Variants in DOCK1 observed in about 807,000 individuals in gnomAD.
The protein encoded by DOCK1 is dedicator of cytokinesis protein 1.
Under a neutral mutation model 262.7 loss-of-function variants are expected in DOCK1, and 138 were observed. The ratio of observed to expected loss-of-function variants is 0.53; its 90% CI spans 0.46 to 0.61. DOCK1 has a LOEUF of 0.61. Ranked by LOEUF, DOCK1 falls within the 20% of genes least tolerant of loss-of-function variation. The probability of loss-of-function intolerance (pLI) is 0.00; values close to 1 mark genes in which losing one functional copy is unlikely to be tolerated. For synonymous variants in DOCK1, 866 were observed against 867.4 expected, an observed-to-expected ratio of 1.00 and a Z score of 0.03; for missense variants, 1,908 against 2,370.7, an observed-to-expected ratio of 0.80 and a Z score of 4.05.
chr10:127,315,207 A>G (rs1280850540), intron 29 of DOCK1, among the ~76,000 whole-genome samples: 1 of 152,174 alleles, frequency 6.6e-6, no homozygotes. Flanking sequence ...ACAAGGAAAA[A>G]TAACACCTAA....
At chr10:126,999,098 A>AG (rs1176141351) in intron 8 of DOCK1, among the ~76,000 whole-genome samples, 1 of 152,082 alleles carries the variant, frequency 6.6e-6, no homozygotes, top group Non-Finnish European at 1.5e-5. Context: ...TAAAAAAAAA[A>AG]CCAACTTAGA....
chr10:127,034,939 C>T (rs946163004), intron 18 of DOCK1, among the ~76,000 whole-genome samples: 6 of 152,176 alleles, frequency 3.9e-5, no homozygotes, highest in Non-Finnish European at 8.8e-5. Flanking sequence ...CCTCAAGCTC[C>T]TTAAGTCTCA....
Position 127,437,450 on chromosome 10 carries a change from TG to T in DOCK1, c.5061-1573del, listed in dbSNP as rs1352920968. Among the ~76,000 whole-genome samples, 3 of 150,092 alleles carry T rather than the reference TG, an allele frequency of 2.0e-5. No homozygotes were observed. The highest frequency in any genetic ancestry group is 4.4e-5 in the Non-Finnish European group (3 of 67,840). The stretch of plus-strand genomic sequence containing the variant: ...AAATAATCAACAGTGAGCAAATCAA[TG>T]GGGAGCAAGATTGCTGCAATGACCA... On this transcript the variant is annotated intron_variant, in intron 48 of 51. Coordinates refer to ENST00000623213, the MANE Select transcript of DOCK1 (RefSeq NM_001290223.2). This position sits in a 1 kb window ranked among gnomAD's most constrained non-coding sequence, Gnocchi z 4.4.
At position 127,409,314 on chromosome 10, in the gene DOCK1, T is replaced by C; in HGVS notation, c.4266T>C (p.Tyr1422=). ...GDDIKNSPGQ[Y]IQCFTVKPKL... is the part of the protein sequence containing the mutation. ...TGATCCTTAACCCCCTCACCTCAGATATTCAGTGCTTCACAGTGAAGCCCA... is the reference window on the plus strand; with the variant it reads ...TGATCCTTAACCCCCTCACCTCAGACATTCAGTGCTTCACAGTGAAGCCCA... Residue 1422 remains tyrosine (Y), a splice_region_variant and synonymous_variant, in exon 42 of 52, where the codon TAT becomes TAC. Coordinates refer to ENST00000623213, the MANE Select transcript of DOCK1 (RefSeq NM_001290223.2). 7 of 1,613,914 alleles carry C rather than the reference T, an allele frequency of 4.3e-6. No homozygotes were observed. Among genetic ancestry groups the C allele is most frequent in the Non-Finnish European group, 5.1e-6 (6 of 1,179,852 alleles).
At chr10:127,369,330 A>G (rs1450644868) in intron 33 of DOCK1, among the ~76,000 whole-genome samples, 4 of 152,200 alleles carry the variant, frequency 2.6e-5, no homozygotes, top group Non-Finnish European at 4.4e-5. Flanking sequence ...ATTCTTGCCT[A>G]AAGAGGAAAT....
At chr10:126,929,665 C>T (rs1030637471) in intron 1 of DOCK1, among the ~76,000 whole-genome samples, 3 of 151,992 alleles carry the variant, frequency 2.0e-5, no homozygotes, top group African/African-American at 7.3e-5. Flanking sequence ...TGCTCAGGCC[C>T]GTTTAACAGG....
At chr10:127,404,799 C>T (rs1326442472) in intron 40 of DOCK1, among the ~76,000 whole-genome samples, 17 of 152,170 alleles carry the variant, frequency 1.1e-4, no homozygotes, top group Admixed American at 1.1e-3. Flanking sequence ...ACCTTCAGAA[C>T]TTTTTCATCT....
At chr10:127,154,749 A>T (rs1190155889) in intron 27 of DOCK1, among the ~76,000 whole-genome samples, 1 of 152,060 alleles carries the variant, frequency 6.6e-6, no homozygotes, top group Non-Finnish European at 1.5e-5. Flanking sequence ...GGAGGTTGCT[A>T]ATTCTCCCCC....
At chr10:126,924,419 GGGGGAGGCTGTGAGTGCTGGAACT>G (rs1225318868) in intron 1 of DOCK1, among the ~76,000 whole-genome samples, 9 of 144,266 alleles carry the variant, frequency 6.2e-5, no homozygotes, top group African/African-American at 2.1e-4. Context: ...GAACTCAGTA[GGGGGAGGCTGTGAGTGCTGGAACT>G]CAGTAGCGGG....
intron 22 of DOCK1, among the ~76,000 whole-genome samples, chr10:127,057,631 T>C (rs1168881591): frequency 6.6e-6 from 1 of 152,232 alleles, no homozygotes; most frequent in Non-Finnish European, 1.5e-5. Context: ...TACTGGTTTT[T>C]GTTTGTCTGT....
intron 1 of DOCK1, among the ~76,000 whole-genome samples, chr10:126,927,191 C>T (rs941124382): frequency 2.0e-5 from 3 of 152,108 alleles, no homozygotes; most frequent in Non-Finnish European, 4.4e-5. Context: ...TGGTGACTAC[C>T]ACGCCAGGTG....
At chr10:127,228,680 G>T (rs979898596) in intron 27 of DOCK1, among the ~76,000 whole-genome samples, 18 of 152,144 alleles carry the variant, frequency 1.2e-4, no homozygotes, top group Admixed American at 4.6e-4. Context: ...TAGTCTCGCA[G>T]ACCCCTTTTC....
chr10:126,909,600 C>G (rs1052773255), intron 1 of DOCK1, among the ~76,000 whole-genome samples: 2 of 152,152 alleles, frequency 1.3e-5, no homozygotes, highest in African/African-American at 4.8e-5. Context: ...GTGCAGCTCT[C>G]AAATGGGATG....
intron 16 of DOCK1, among the ~76,000 whole-genome samples, chr10:127,028,554 G>A (rs1328207078): frequency 6.6e-6 from 1 of 152,196 alleles, no homozygotes; most frequent in Non-Finnish European, 1.5e-5. Flanking sequence ...TTGGTTCTAA[G>A]CCAGGTCCTT....
In DOCK1 at chr10:127,137,925, T is replaced by G. The variant is rs760593223; in HGVS notation, c.2847+10161T>G. 3.1e-6 allele frequency: 5 copies of G among 1,613,970 alleles called. No homozygotes were observed. In the African/African-American group the frequency reaches 5.3e-5, roughly 17 times the overall value. On this transcript the variant is annotated intron_variant, in intron 27 of 51. Coordinates refer to ENST00000623213, the MANE Select transcript of DOCK1 (RefSeq NM_001290223.2). ...AGTTGAGGAGTAAGTCTCCTGAGAG[T>G]AAGGCGAAGGTATGACCTGAGTTTC...
chr10:127,427,191 G>A (rs978746021), intron 47 of DOCK1, among the ~76,000 whole-genome samples: 1 of 152,206 alleles, frequency 6.6e-6, no homozygotes, highest in Non-Finnish European at 1.5e-5. Context: ...CGGCACTGAG[G>A]GGGTGTGCAC....
rs554638098 is a variant in DOCK1 at position 126,989,981 on chromosome 10, G to A, written c.325-474G>A. 5.4e-4 allele frequency among the ~76,000 whole-genome samples: 82 copies of A among 152,264 alleles called. 1 individual carries two copies. Among genetic ancestry groups the A allele is most frequent in the African/African-American group, 1.7e-3 (72 of 41,570 alleles). On this transcript the variant is annotated intron_variant, in intron 5 of 51. Transcript: ENST00000623213. ...TCTTCCCTATAGCTGAGCTGAGAGC[G>A]AGGCCGAGGAGTTCAGGTTCTCAGT...
rs999910753 is a variant in DOCK1, at chr10:127,052,793, C to T, written c.2314C>T (p.Arg772Cys). 6 of 1,613,408 alleles carry T rather than the reference C, an allele frequency of 3.7e-6. No homozygotes were observed. Among genetic ancestry groups the T allele is most frequent in the South Asian group, 1.1e-5 (1 of 91,012 alleles). The change falls in exon 22 of 52, where the codon CGC becomes TGC. Residue 772 changes from arginine to cysteine, a missense_variant. By Grantham distance (180) the Arg-to-Cys change is radical. Around this residue, in one of 9 missense-constraint regions of DOCK1, gnomAD observed 518 missense variants for 575.1 expected, o/e 0.90. Transcript: ENST00000623213. ...AGAATCCATCTTCAAGTTCATCGTG[C>T]GCTCCAGGATCCTGTTCAATCAGTG... ...ALESIFKFIVRSRILFNQLYE... is the reference protein window; with the variant it reads ...ALESIFKFIVCSRILFNQLYE...
chr10:127,158,408 C>G (rs1044691525), intron 27 of DOCK1, among the ~76,000 whole-genome samples: 1 of 152,162 alleles, frequency 6.6e-6, no homozygotes, highest in Admixed American at 6.5e-5. Context: ...AGTGGAAGAA[C>G]ATTTGGATCA....
Sources: gnomAD v4.1 joint callset for allele counts (sites outside exome capture counted in the v4.1 genomes callset) on GRCh38, gnomAD v4.1.1 for gene constraint, gnomAD v4.1.1 regional missense constraint, Gnocchi (gnomAD v3.1) non-coding constraint, MANE v1.5 for transcripts, NCBI Gene and HGNC (gene_info 2026-07-23, HGNC 2026-07-21) for gene names.